Variants in AGMO observed in about 807,000 individuals in gnomAD.
The protein encoded by AGMO is glyceryl-ether monooxygenase.
Under a neutral mutation model 60.2 loss-of-function variants are expected in AGMO, and 75 were observed. That is an observed-to-expected ratio of 1.25 (90% CI 1.03 to 1.51). The LOEUF is 1.51. AGMO is among the 40% of genes most tolerant of loss of function. The pLI is 0.00. For synonymous variants in AGMO, 261 were observed against 177.1 expected, an observed-to-expected ratio of 1.47 and a Z score of -3.76; for missense variants, 763 against 525.5, an observed-to-expected ratio of 1.45 and a Z score of -4.42.
intron 3 of AGMO, among the ~76,000 whole-genome samples, chr7:15,519,866 T>C (rs1783931621): frequency 6.6e-6 from 1 of 150,924 alleles, no homozygotes; most frequent in South Asian, 2.1e-4. Flanking sequence ...ACTGGCAAAT[T>C]GGAGAAAGAG....
At chr7:15,212,036 C>G (rs1247132307) in intron 12 of AGMO, among the ~76,000 whole-genome samples, 1 of 151,844 alleles carries the variant, frequency 6.6e-6, no homozygotes. Context: ...AGAAAAATGC[C>G]TTGGAGAATT....
chr7:15,139,910 TA>T, the AGMO span, among the ~76,000 whole-genome samples: 5 of 150,066 alleles, frequency 3.3e-5, no homozygotes, highest in Admixed American at 6.7e-5. Flanking sequence ...CAACTATATA[TA>T]AATACAATGT....
intron 12 of AGMO, among the ~76,000 whole-genome samples, chr7:15,221,715 A>G (rs1247449281): frequency 1.3e-5 from 2 of 152,268 alleles, no homozygotes; most frequent in East Asian, 3.9e-4. Context: ...TGAATGTTAA[A>G]CATACCATCC....
intron 3 of AGMO, among the ~76,000 whole-genome samples, chr7:15,497,536 C>A (rs1783264690): frequency 6.6e-6 from 1 of 151,984 alleles, no homozygotes; most frequent in Admixed American, 6.6e-5. Flanking sequence ...AGTGTGGCAT[C>A]CCATAACAGC....
At chr7:15,270,329 A>C (rs1393001994) in intron 12 of AGMO, among the ~76,000 whole-genome samples, 1 of 151,998 alleles carries the variant, frequency 6.6e-6, no homozygotes, top group African/African-American at 2.4e-5. Flanking sequence ...GAATGGTATG[A>C]GATGATATCA....
intron 3 of AGMO, among the ~76,000 whole-genome samples, chr7:15,487,204 T>G (rs1782947415): frequency 6.6e-6 from 1 of 152,102 alleles, no homozygotes; most frequent in Non-Finnish European, 1.5e-5. Flanking sequence ...CTAAATGAAC[T>G]GTAAGAAATA....
intron 12 of AGMO, among the ~76,000 whole-genome samples, chr7:15,202,803 G>A (rs1781333754): frequency 6.6e-6 from 1 of 152,050 alleles, no homozygotes; most frequent in Admixed American, 6.6e-5. Context: ...TGACCTCATG[G>A]CACTTCTTCT....
At chr7:15,318,126 C>A (rs1177497708) in intron 12 of AGMO, among the ~76,000 whole-genome samples, 25 of 151,708 alleles carry the variant, frequency 1.6e-4, no homozygotes, top group Admixed American at 1.6e-3. Flanking sequence ...TTGCCTCAGC[C>A]TCCCAAGTAG....
At chr7:15,464,424 T>C (rs1472603096) in intron 3 of AGMO, among the ~76,000 whole-genome samples, 1 of 152,200 alleles carries the variant, frequency 6.6e-6, no homozygotes, top group Non-Finnish European at 1.5e-5. Flanking sequence ...TGTGACATGG[T>C]ATATCTGGAA....
At chr7:15,325,707 T>C (rs1781316937) in intron 12 of AGMO, among the ~76,000 whole-genome samples, 1 of 152,190 alleles carries the variant, frequency 6.6e-6, no homozygotes. Flanking sequence ...CATTGTACCT[T>C]ATCAGCTCAC....
chr7:15,382,073 T>C (rs1196831300), intron 10 of AGMO, among the ~76,000 whole-genome samples: 2 of 152,028 alleles, frequency 1.3e-5, no homozygotes, highest in Non-Finnish European at 2.9e-5. Context: ...GTACTAGGCT[T>C]AATACCTAGA....
intron 3 of AGMO, among the ~76,000 whole-genome samples, chr7:15,437,820 G>A (rs1367700933): frequency 6.6e-6 from 1 of 152,158 alleles, no homozygotes; most frequent in African/African-American, 2.4e-5. Context: ...GATTACAGGC[G>A]TGAGCCACTG....
At chr7:15,155,923 T>C in the AGMO span, among the ~76,000 whole-genome samples, 2 of 152,250 alleles carry the variant, frequency 1.3e-5, no homozygotes, top group African/African-American at 2.4e-5. Context: ...CCAGCACTCC[T>C]GAGCTACATG....
At chr7:15,321,777 A>G (rs1251038815) in intron 12 of AGMO, among the ~76,000 whole-genome samples, 1 of 152,124 alleles carries the variant, frequency 6.6e-6, no homozygotes, top group East Asian at 1.9e-4. Flanking sequence ...ACTTGAACTC[A>G]AAAAGATTTA....
chr7:15,260,012 A>G (rs970119049), intron 12 of AGMO, among the ~76,000 whole-genome samples: 3 of 151,306 alleles, frequency 2.0e-5, no homozygotes, highest in Admixed American at 6.6e-5. Context: ...CCTATATAAC[A>G]ATAACACAAT....
chr7:15,352,098 CA>C (rs1183269360), intron 12 of AGMO, among the ~76,000 whole-genome samples: 1 of 152,154 alleles, frequency 6.6e-6, no homozygotes, highest in East Asian at 1.9e-4. Flanking sequence ...GCTCTTTTAC[CA>C]TTAAGCTATA....
chr7:15,267,208 A>C (rs1783457984), intron 12 of AGMO, among the ~76,000 whole-genome samples: 1 of 151,778 alleles, frequency 6.6e-6, no homozygotes, highest in South Asian at 2.1e-4. Flanking sequence ...AATCCTCATT[A>C]TTTTCTTGCT....
Position 15,460,969 on chromosome 7 carries a change from T to C in AGMO, c.410-29861A>G, listed in dbSNP as rs1174119800. Among the ~76,000 whole-genome samples the C allele has an allele frequency of 2.6e-5, 4 of 152,164 alleles. No individual in the cohort carries two copies. In the East Asian group the frequency reaches 7.7e-4, roughly 29 times the overall value. On this transcript the variant is annotated intron_variant, in intron 3 of 12. Coordinates refer to ENST00000342526, the MANE Select transcript of AGMO (RefSeq NM_001004320.2). The stretch of plus-strand genomic sequence containing the variant: ...GAATTATGTATTAGTATGAATTATG[T>C]TGTAGTAATTAATGCTACAGGCATT...
At chr7:15,405,226 CA>C (rs1488427532) in intron 5 of AGMO, among the ~76,000 whole-genome samples, 1 of 151,854 alleles carries the variant, frequency 6.6e-6, no homozygotes, top group Admixed American at 6.6e-5. Context: ...TGACAATAAA[CA>C]AACATATTGT....
Sources: gnomAD v4.1 joint callset for allele counts (sites outside exome capture counted in the v4.1 genomes callset) on GRCh38, gnomAD v4.1.1 for gene constraint, MANE v1.5 for transcripts, NCBI Gene and HGNC (gene_info 2026-07-23, HGNC 2026-07-21) for gene names.